Variants in RSPH9 observed in about 807,000 individuals in gnomAD.
RSPH9 encodes radial spoke head component 9, also known as radial spoke head protein 9 homolog.
RSPH9 carries 27 observed loss-of-function variants against 27.0 expected under a neutral mutation model. The ratio of observed to expected loss-of-function variants is 1.00; its 90% CI spans 0.74 to 1.38. The LOEUF is 1.38. RSPH9 is among the 40% of genes most tolerant of loss of function. RSPH9 has a pLI of 0.00. For synonymous variants in RSPH9, 145 were observed against 147.7 expected (o/e 0.98, Z 0.13); for missense variants, 347 against 357.4 (o/e 0.97, Z 0.24).
rs200193470 is a variant in RSPH9 at position 43,670,878 on chromosome 6, C to T, written c.760C>T (p.Arg254Cys). The change falls in exon 5 of 5, where the codon CGC (arginine) becomes TGC (cysteine). Residue 254 changes from arginine to cysteine, a missense_variant. Coordinates refer to ENST00000372163, the MANE Select transcript of RSPH9 (RefSeq NM_152732.5). ...WPGLTFYHAP[R>C]TKNYGYVYVG... ...GGGCCTCACCTTCTACCATGCTCCC[C>T]GCACCAAGAACTATGGCTACGTCTA... The T allele has an allele frequency of 5.8e-5, 93 of 1,614,210 alleles. No individual in the cohort carries two copies. Among genetic ancestry groups the T allele is most frequent in the East Asian group, 4.9e-4 (22 of 44,882 alleles).
intron 1 of RSPH9, among the ~76,000 whole-genome samples, 191 bp from the exon 2 acceptor site, chr6:43,650,184 G>T (rs995241769): frequency 6.6e-6 from 1 of 152,202 alleles, no homozygotes; most frequent in Non-Finnish European, 1.5e-5. Flanking sequence ...AAAGTGCTGG[G>T]ATTACAGGTG....
In RSPH9 at chr6:43,671,202, T is replaced by G; in HGVS notation, c.*253T>G. On this transcript the variant is annotated 3_prime_UTR_variant, in exon 5 of 5. Coordinates refer to ENST00000372163, the MANE Select transcript of RSPH9 (RefSeq NM_152732.5). ...GGGAGAAGGTGACAACCAGGGCCCC[T>G]TTGAGGAACGCAGTTTCTTGGATTC... 1.7e-6 allele frequency: 1 copy of G among 582,794 alleles called. No homozygotes were observed. Among genetic ancestry groups the G allele is most frequent in the Non-Finnish European group, 3.0e-6 (1 of 328,430 alleles). The allele number at this position is 582,794 out of a possible 1,614,324, so 36.1% of individuals were successfully genotyped here.
At chr6:43,670,539 C>T (rs938902312) in intron 4 of RSPH9, among the ~76,000 whole-genome samples, 1 of 152,206 alleles carries the variant, frequency 6.6e-6, no homozygotes, top group Non-Finnish European at 1.5e-5. Context: ...GGAGTCAAGA[C>T]TGCATTGAGT....
chr6:43,654,684 G>T (rs1301637415), intron 2 of RSPH9, among the ~76,000 whole-genome samples: 1 of 152,174 alleles, frequency 6.6e-6, no homozygotes, highest in Non-Finnish European at 1.5e-5. Context: ...TTAGCTGGGT[G>T]CAGTGATGCA....
At chr6:43,657,637 C>G (rs568911984) in intron 4 of RSPH9, among the ~76,000 whole-genome samples, 30 of 152,208 alleles carry the variant, frequency 2.0e-4, no homozygotes, top group Non-Finnish European at 3.4e-4. Flanking sequence ...GCAAGCGACC[C>G]AACTGGGGGG....
intron 4 of RSPH9, chr6:43,666,637 C>A: frequency 1.5e-6 from 1 of 662,394 alleles, no homozygotes. Flanking sequence ...TCCAGGGATC[C>A]GCAAAGTTCC....
chr6:43,661,681 AGAG>A (rs1772644782), intron 4 of RSPH9, among the ~76,000 whole-genome samples: 3 of 150,038 alleles, frequency 2.0e-5, no homozygotes, highest in South Asian at 4.2e-4. Context: ...AAAAAAAAAA[AGAG>A]GAAATCCTAG....
chr6:43,653,339 C>T (rs978479786), intron 2 of RSPH9, among the ~76,000 whole-genome samples: 5 of 148,448 alleles, frequency 3.4e-5, no homozygotes, highest in African/African-American at 7.5e-5. Context: ...CCCAGCTACT[C>T]GGGAGGCTGA....
At chr6:43,645,705 T>C (rs1009632155) in intron 1 of RSPH9, among the ~76,000 whole-genome samples, 1 of 152,064 alleles carries the variant, frequency 6.6e-6, no homozygotes, top group African/African-American at 2.4e-5. Context: ...GGTGAAGCAG[T>C]GGGAAGGTTT....
At chr6:43,667,776 T>C (rs1435169843) in intron 4 of RSPH9, among the ~76,000 whole-genome samples, 1 of 151,986 alleles carries the variant, frequency 6.6e-6, no homozygotes, top group Non-Finnish European at 1.5e-5. Context: ...TGGGAACCCA[T>C]GGCCATTTTT....
chr6:43,666,600 G>T (rs563957597), intron 4 of RSPH9: 3 of 929,194 alleles, frequency 3.2e-6, no homozygotes, highest in Non-Finnish European at 5.0e-6. Context: ...TGGGAGAGCT[G>T]TTGTCCTCAT....
Position 43,671,870 on chromosome 6 carries a change from G to A in RSPH9, c.*921G>A, listed in dbSNP as rs1773719492. On this transcript the variant is annotated 3_prime_UTR_variant, in exon 5 of 5. Coordinates refer to ENST00000372163, the MANE Select transcript of RSPH9 (RefSeq NM_152732.5). ...TCCAGCGGGGGCCTTTTTTGTAGAT[G>A]GGCTTGACGGAGCCAGGAGCCCAGC... is the stretch of plus-strand genomic sequence containing the variant. The A allele has an allele frequency of 6.2e-7, 1 of 1,613,530 alleles. No homozygotes were observed. The highest frequency in any genetic ancestry group is 1.3e-5 in the African/African-American group (1 of 74,928).
Position 43,645,263 on chromosome 6 carries a change from C to T in RSPH9, c.165C>T (p.Ala55=). ...LFWGRILGLV[A]DYYIAQGLSE... is the part of the protein sequence containing the mutation. ...GGGGCCGCATCCTTGGCCTCGTCGC[C>T]GATTACTACATCGCGCAGGGCCTGA... is the stretch of plus-strand genomic sequence containing the variant. The change falls in exon 1 of 5, where the codon GCC becomes GCT. Residue 55 remains alanine, a synonymous_variant. Coordinates refer to ENST00000372163, the MANE Select transcript of RSPH9 (RefSeq NM_152732.5). 6.2e-7 allele frequency: 1 copy of T among 1,613,970 alleles called. No homozygotes were observed. The highest frequency in any genetic ancestry group is 8.5e-7 in the Non-Finnish European group (1 of 1,180,004).
At position 43,670,717 on chromosome 6, in the gene RSPH9, G is replaced by A. The variant is rs1773633717; in HGVS notation, c.671-72G>A. 8 of 1,452,834 alleles carry A rather than the reference G, an allele frequency of 5.5e-6. No individual in the cohort carries two copies. In the East Asian group the frequency reaches 1.1e-4, roughly 21 times the overall value. 90.0% of individuals were successfully genotyped at this position (1,452,834 alleles called of 1,614,324 possible). A position where few individuals can be genotyped will look rare whatever the true frequency, so the allele number is the denominator to read the frequency against. ...TGGGCCTGGCTGCCCAAGGAGCCAG[G>A]GGCCACAGCATGAAGGGCAGAGCTG... is the stretch of plus-strand genomic sequence containing the variant. On this transcript the variant is annotated intron_variant, in intron 4 of 4. Coordinates refer to ENST00000372163, the MANE Select transcript of RSPH9 (RefSeq NM_152732.5).
intron 3 of RSPH9, 137 bp downstream of exon 3, chr6:43,655,828 G>A (rs892939233): frequency 9.4e-7 from 1 of 1,059,054 alleles, no homozygotes; most frequent in Admixed American, 1.9e-5. Flanking sequence ...CACCTGGGAG[G>A]GTGTGCCCAG....
At chr6:43,656,864 C>G in intron 4 of RSPH9, 141 bp downstream of exon 4, 1 of 883,250 alleles carries the variant, frequency 1.1e-6, no homozygotes, top group Non-Finnish European at 1.9e-6. Context: ...GAGGGTGGAG[C>G]TTCCCCAGGG....
At chr6:43,661,818 C>T (rs903550608) in intron 4 of RSPH9, among the ~76,000 whole-genome samples, 3 of 152,138 alleles carry the variant, frequency 2.0e-5, no homozygotes, top group African/African-American at 4.8e-5. Flanking sequence ...TGTACATTAG[C>T]ATTTGCTGCT....
At chr6:43,659,225 C>CTT (rs56790116) in intron 4 of RSPH9, among the ~76,000 whole-genome samples, 10,870 of 144,550 alleles carry the variant, frequency 0.075, 1,357 homozygotes, top group African/African-American at 0.26. Flanking sequence ...CCACTGAAGT[C>CTT]TTTTTTTTTT....
intron 1 of RSPH9, among the ~76,000 whole-genome samples, chr6:43,647,995 C>A (rs1321193133): frequency 6.6e-6 from 1 of 152,146 alleles, no homozygotes; most frequent in African/African-American, 2.4e-5. Context: ...ATGGGCCGGG[C>A]GCAGTGGCTC....
Sources: gnomAD v4.1 joint callset for allele counts (sites outside exome capture counted in the v4.1 genomes callset) on GRCh38, gnomAD v4.1.1 for gene constraint, MANE v1.5 for transcripts, NCBI Gene and HGNC (gene_info 2026-07-23, HGNC 2026-07-21) for gene names.